IQCH: variants seen among roughly 807,000 people sequenced by gnomAD.
The protein encoded by IQCH is IQ motif containing H, also known as IQ domain-containing protein H.
A neutral mutation model predicts 117.0 loss-of-function variants in IQCH; 98 were observed. The observed-to-expected ratio is 0.84, with a 90% CI of 0.71 to 0.99. The LOEUF (loss-of-function observed/expected upper bound fraction) is 0.99. IQCH is among the 50% of genes least tolerant of loss of function. The pLI is 0.00. For missense variants in IQCH, 1,102 were observed against 1,243.8 expected (o/e 0.89, Z 1.72); for synonymous variants, 412 against 448.2 (o/e 0.92, Z 1.02).
In IQCH at chr15:67,359,962, A is replaced by G. The variant is rs920283668; in HGVS notation, c.753+77A>G. On this transcript the variant is annotated intron_variant, in intron 8 of 20. Transcript: ENST00000335894. This position sits in a 1 kb window ranked among gnomAD's most constrained non-coding sequence, Gnocchi z 4.5. ...CTTCCTTTTGCTGCAGGGCAAGAGT[A>G]TGGGTGACTGCTTGACAGCTGGAGA... 2.6e-6 allele frequency: 3 copies of G among 1,132,696 alleles called. No individual in the cohort carries two copies. In the African/African-American group the frequency reaches 4.6e-5, roughly 17 times the overall value. The allele number at this position is 1,132,696 out of a possible 1,614,324, so 70.2% of individuals were successfully genotyped here. A position where few individuals can be genotyped will look rare whatever the true frequency, so the allele number is the denominator to read the frequency against.
intron 4 of IQCH, among the ~76,000 whole-genome samples, chr15:67,329,819 T>TAC (rs1295422810): frequency 1.2e-4 from 4 of 32,574 alleles, no homozygotes; most frequent in African/African-American, 4.2e-4. Flanking sequence ...TTGAGTGAAT[T>TAC]ATACACACAC....
chr15:67,500,517 G>T lies in IQCH; in HGVS notation c.2971-116G>T, dbSNP rs1010017686. ...ATCTGTAGACAAATGCCAGTTGGTA[G>T]AATACATTCTGAATAGAACTGGTCT... On this transcript the variant is annotated intron_variant, in intron 20 of 20. Transcript: ENST00000335894. The surrounding 1 kb of genome is among the most constrained non-coding windows in gnomAD (Gnocchi z 4.4). The T allele has an allele frequency of 2.2e-6, 1 of 462,458 alleles. No individual in the cohort carries two copies. The highest frequency in any genetic ancestry group is 2.0e-5 in the African/African-American group (1 of 50,042). 28.6% of individuals were successfully genotyped at this position (462,458 alleles called of 1,614,324 possible).
rs2082664175 is a variant in IQCH, at chr15:67,456,687, T to C, written c.2506-8440T>C. ...CTATTTGGTTGATATTTTTAAAACA[T>C]TGTTATTTTGCTGTTTTCTTTTCAT... On this transcript the variant is annotated intron_variant, in intron 16 of 20. Coordinates refer to ENST00000335894, the MANE Select transcript of IQCH (RefSeq NM_001031715.3). This position sits in a 1 kb window ranked among gnomAD's most constrained non-coding sequence, Gnocchi z 5.1. 6.6e-6 allele frequency among the ~76,000 whole-genome samples: 1 copy of C among 152,222 alleles called. No homozygotes were observed. The highest frequency in any genetic ancestry group is 2.4e-5 in the African/African-American group (1 of 41,462).
rs1037358112 is a variant in IQCH, at chr15:67,453,340, T to C, written c.2506-11787T>C. ...TTCCAGTTTTTCTGCTCTGTTTTTT[T>C]CCCATCTTTGTGGTTTTATCTACCT... On this transcript the variant is annotated intron_variant, in intron 16 of 20. Coordinates refer to ENST00000335894, the MANE Select transcript of IQCH (RefSeq NM_001031715.3). The surrounding 1 kb of genome is among the most constrained non-coding windows in gnomAD (Gnocchi z 5.8). Among the ~76,000 whole-genome samples, 2 of 152,120 alleles carry C rather than the reference T, an allele frequency of 1.3e-5. No homozygotes were observed. The highest frequency in any genetic ancestry group is 2.9e-5 in the Non-Finnish European group (2 of 68,032).
At chr15:67,434,072 A>G (rs1351981800) in intron 16 of IQCH, among the ~76,000 whole-genome samples, 1 of 151,352 alleles carries the variant, frequency 6.6e-6, no homozygotes, top group African/African-American at 2.4e-5. Context: ...TCTCACTTGG[A>G]TGTGTGTGTG....
At chr15:67,308,559 T>C (rs1967422158) in intron 4 of IQCH, among the ~76,000 whole-genome samples, 1 of 152,134 alleles carries the variant, frequency 6.6e-6, no homozygotes, top group Admixed American at 6.6e-5. Context: ...ATCCCACTCC[T>C]ATCATTTAAA....
intron 4 of IQCH, among the ~76,000 whole-genome samples, chr15:67,326,044 G>T (rs1968391810): frequency 6.6e-6 from 1 of 152,148 alleles, no homozygotes; most frequent in Admixed American, 6.5e-5. Context: ...GTGTGCGTGT[G>T]CCATGTTGGT....
At chr15:67,374,240 T>C (rs1410785985) in intron 10 of IQCH, 1 of 152,290 alleles carries the variant, frequency 6.6e-6, no homozygotes, top group East Asian at 1.9e-4. Context: ...TTAAATTTCC[T>C]TGGTGAGGTC....
chr15:67,475,242 C>G lies in IQCH; in HGVS notation c.2677-454C>G, dbSNP rs1231301601. On this transcript the variant is annotated intron_variant, in intron 17 of 20. Coordinates refer to ENST00000335894, the MANE Select transcript of IQCH (RefSeq NM_001031715.3). The surrounding 1 kb of genome is among the most constrained non-coding windows in gnomAD (Gnocchi z 5.7). ...CGGTAATTCCAGCATTTTGGGAGGC[C>G]GAGGCTGGCAGATCGCTTGAGCTAG... 3.3e-5 allele frequency among the ~76,000 whole-genome samples: 5 copies of G among 152,048 alleles called. 1 individual carries two copies. The Middle Eastern group carries it at 0.017, about 517-fold the overall frequency.
intron 18 of IQCH, among the ~76,000 whole-genome samples, chr15:67,489,519 G>GGGTGATGTCAGGAGTTCAAGATCTT (rs11276406): frequency 1.6e-3 from 244 of 151,080 alleles, no homozygotes; most frequent in African/African-American, 5.6e-3. Context: ...CTGGCCTCCT[G>GGGTGATGTCAGGAGTTCAAGATCTT]GGCTCACTGC....
At chr15:67,287,392 C>T (rs775455653) in intron 4 of IQCH, among the ~76,000 whole-genome samples, 24 of 152,092 alleles carry the variant, frequency 1.6e-4, no homozygotes, top group Non-Finnish European at 2.6e-4. Context: ...GTGAGGTCAT[C>T]GGGTACTGGG....
In IQCH at chr15:67,481,577, T is replaced by C. The variant is rs556420862; in HGVS notation, c.2799+5759T>C. On this transcript the variant is annotated intron_variant, in intron 18 of 20. Transcript: ENST00000335894. This position sits in a 1 kb window ranked among gnomAD's most constrained non-coding sequence, Gnocchi z 4.1. ...AACCATATCAAGTACATATTTGCAT[T>C]CAGAGAGACTCTCTCAGGAAAAAGA... is the stretch of plus-strand genomic sequence containing the variant. 1.3e-5 allele frequency among the ~76,000 whole-genome samples: 2 copies of C among 152,236 alleles called. No homozygotes were observed. Among genetic ancestry groups the C allele is most frequent in the South Asian group, 4.1e-4 (2 of 4,824 alleles).
chr15:67,341,963 T>G (rs1268138098), intron 5 of IQCH, among the ~76,000 whole-genome samples: 3 of 151,972 alleles, frequency 2.0e-5, no homozygotes, highest in African/African-American at 7.3e-5. Context: ...AATGGACAAT[T>G]AAAAACAAAG....
chr15:67,408,524 G>T lies in IQCH; in HGVS notation c.2097+8219G>T, dbSNP rs1286468821. ...TATAATGCTACTACATCTGCCTCAA[G>T]TGTATGCATCTGTATGTGTGGAAAT... On this transcript the variant is annotated intron_variant, in intron 14 of 20. Transcript: ENST00000335894. This position sits in a 1 kb window ranked among gnomAD's most constrained non-coding sequence, Gnocchi z 4.2. 6.6e-6 allele frequency: 1 copy of T among 152,214 alleles called. No homozygotes were observed. The highest frequency in any genetic ancestry group is 1.9e-4 in the East Asian group (1 of 5,200). The allele number at this position is 152,214 out of a possible 1,614,324, so 9.4% of individuals were successfully genotyped here.
At position 67,384,017 on chromosome 15, in the gene IQCH, T is replaced by C. The variant is rs1412536276; in HGVS notation, c.1373-919T>C. On this transcript the variant is annotated intron_variant, in intron 10 of 20. Coordinates refer to ENST00000335894, the MANE Select transcript of IQCH (RefSeq NM_001031715.3). The surrounding 1 kb of genome is among the most constrained non-coding windows in gnomAD (Gnocchi z 4.3). The stretch of plus-strand genomic sequence containing the variant: ...TGTGTCACATCTTGAAGATGTAGTA[T>C]ATAAAATCACTTTATCTAGAGCAGT... Among the ~76,000 whole-genome samples, 3 of 152,166 alleles carry C rather than the reference T, an allele frequency of 2.0e-5. No individual in the cohort carries two copies. Among genetic ancestry groups the C allele is most frequent in the East Asian group, 1.9e-4 (1 of 5,198 alleles).
At chr15:67,285,961 A>G (rs1966546417) in intron 4 of IQCH, among the ~76,000 whole-genome samples, 1 of 152,020 alleles carries the variant, frequency 6.6e-6, no homozygotes, top group Non-Finnish European at 1.5e-5. Context: ...TGTTTTTTCT[A>G]ATTTTATGAA....
At position 67,465,371 on chromosome 15, in the gene IQCH, G is replaced by A. The variant is rs2082905290; in HGVS notation, c.2676+74G>A. On this transcript the variant is annotated intron_variant, in intron 17 of 20. Transcript: ENST00000335894. This position sits in a 1 kb window ranked among gnomAD's most constrained non-coding sequence, Gnocchi z 5.9. ...CTGCCACTGCCTGAGCTCTGTCTAG[G>A]AGCCAGGATCTTTGAGTACAGGAAG... 3 of 1,475,130 alleles carry A rather than the reference G, an allele frequency of 2.0e-6. No individual in the cohort carries two copies. Among genetic ancestry groups the A allele is most frequent in the Non-Finnish European group, 2.8e-6 (3 of 1,080,904 alleles). 91.4% of individuals were successfully genotyped at this position (1,475,130 alleles called of 1,614,324 possible). A position where few individuals can be genotyped will look rare whatever the true frequency, so the allele number is the denominator to read the frequency against.
At chr15:67,462,405 G>T (rs998163542) in intron 16 of IQCH, among the ~76,000 whole-genome samples, 14 of 150,248 alleles carry the variant, frequency 9.3e-5, no homozygotes, top group Admixed American at 7.9e-4. Flanking sequence ...TCCAGCCTGG[G>T]CGACAGAGTG....
At chr15:67,414,043 A>G (rs1253210597) in intron 14 of IQCH, among the ~76,000 whole-genome samples, 1 of 152,114 alleles carries the variant, frequency 6.6e-6, no homozygotes, top group East Asian at 1.9e-4. Flanking sequence ...CATAAATGTG[A>G]CCTCGTTTAT....
Sources: gnomAD v4.1 joint callset for allele counts (sites outside exome capture counted in the v4.1 genomes callset) on GRCh38, gnomAD v4.1.1 for gene constraint, Gnocchi (gnomAD v3.1) non-coding constraint, MANE v1.5 for transcripts, NCBI Gene and HGNC (gene_info 2026-07-23, HGNC 2026-07-21) for gene names.